COL21A1: variants seen among roughly 807,000 people sequenced by gnomAD.
The protein encoded by COL21A1 is collagen type XXI alpha 1 chain.
A neutral mutation model predicts 137.9 loss-of-function variants in COL21A1; 149 were observed. That is an observed-to-expected ratio of 1.08 (90% CI 0.95 to 1.24). The LOEUF (loss-of-function observed/expected upper bound fraction) is 1.24, where lower values mean the gene tolerates loss of function less well. COL21A1 is among the 50% of genes most tolerant of loss of function. The probability of loss-of-function intolerance (pLI) is 0.00; values close to 1 mark genes in which losing one functional copy is unlikely to be tolerated. For missense variants in COL21A1, 1,167 were observed against 1,158.4 expected (o/e 1.01, Z -0.11); for synonymous variants, 456 against 391.5 (o/e 1.16, Z -1.95).
At chr6:56,251,226 T>C (rs1180038522), upstream of COL21A1, among the ~76,000 whole-genome samples, 2 of 152,186 alleles carry the variant, frequency 1.3e-5, no homozygotes, top group Non-Finnish European at 2.9e-5. Context: ...TAATAATTCT[T>C]CCTCTTCTTC....
At chr6:56,366,218 G>T (rs1221438341) in intron 1 of COL21A1, among the ~76,000 whole-genome samples, 2 of 152,196 alleles carry the variant, frequency 1.3e-5, no homozygotes, top group African/African-American at 4.8e-5. Context: ...TAAAAGGTGA[G>T]ACAGTCTCGC....
At chr6:56,307,774 C>T (rs1225208718) in intron 1 of COL21A1, among the ~76,000 whole-genome samples, 2 of 152,168 alleles carry the variant, frequency 1.3e-5, no homozygotes, top group Non-Finnish European at 2.9e-5. Context: ...AACCCGGTAC[C>T]TCAGTTGGAA....
chr6:56,369,498 T>C (rs377480668), intron 1 of COL21A1, among the ~76,000 whole-genome samples: 1 of 151,484 alleles, frequency 6.6e-6, no homozygotes, highest in African/African-American at 2.4e-5. Context: ...GACATAAAGG[T>C]AGAAAAAAAA....
intron 1 of COL21A1, among the ~76,000 whole-genome samples, chr6:56,347,003 C>T (rs993277104): frequency 6.6e-6 from 1 of 152,110 alleles, no homozygotes; most frequent in South Asian, 2.1e-4. Context: ...CAGCAGTCTC[C>T]CCATCTCAAC....
intron 1 of COL21A1, among the ~76,000 whole-genome samples, chr6:56,263,867 T>C (rs1416757354): frequency 6.6e-6 from 1 of 152,120 alleles, no homozygotes; most frequent in Non-Finnish European, 1.5e-5. Context: ...TGATATTTGA[T>C]CCTTAATCCT....
Position 56,179,581 on chromosome 6 carries a change from C to T in COL21A1, c.637G>A (p.Glu213Lys). 6.2e-7 allele frequency: 1 copy of T among 1,603,888 alleles called. No homozygotes were observed. Among genetic ancestry groups the T allele is most frequent in the South Asian group, 1.1e-5 (1 of 89,936 alleles). Residue 213 changes from glutamate (E) to lysine (K), a missense_variant, in exon 3 of 30, where the codon GAA becomes AAA. By Grantham distance (56) the Glu-to-Lys change is moderately conservative. Transcript: ENST00000244728. Reference protein sequence around the residue: ...IREVMKQKLCEESVCPTRIPV... With the variant: ...IREVMKQKLCKESVCPTRIPV... ...ATTAAGGCATTTTAAGGCTTACCTT[C>T]ACAAAGTTTCTGCTTCATCACTTCC... is the stretch of plus-strand genomic sequence containing the variant.
intron 24 of COL21A1, among the ~76,000 whole-genome samples, chr6:56,062,922 A>T (rs191017391): frequency 2.0e-4 from 31 of 152,310 alleles, no homozygotes; most frequent in Admixed American, 2.0e-3. Flanking sequence ...CATTAAGATG[A>T]TTCTCTGAGA....
intron 1 of COL21A1, among the ~76,000 whole-genome samples, chr6:56,228,302 G>A (rs1562005228): frequency 6.6e-6 from 1 of 151,844 alleles, no homozygotes. Context: ...ATGAGAGGCA[G>A]TAAGGGCCTG....
chr6:56,312,253 T>C (rs1217179044), intron 1 of COL21A1, among the ~76,000 whole-genome samples: 1 of 152,138 alleles, frequency 6.6e-6, no homozygotes, highest in East Asian at 1.9e-4. Flanking sequence ...ATTGTTGACT[T>C]AGAAGGTTAA....
chr6:56,337,230 A>G (rs1226075441), intron 1 of COL21A1, among the ~76,000 whole-genome samples: 1 of 152,216 alleles, frequency 6.6e-6, no homozygotes, highest in Non-Finnish European at 1.5e-5. Context: ...TAGAATGGGT[A>G]TCTGAAGGGC....
chr6:56,063,002 TG>T (rs1203505218), intron 24 of COL21A1, among the ~76,000 whole-genome samples: 1 of 152,060 alleles, frequency 6.6e-6, no homozygotes, highest in Non-Finnish European at 1.5e-5. Flanking sequence ...CTTGGTAGAG[TG>T]ACAGGTAACT....
chr6:56,203,326 T>C (rs1265087090), intron 1 of COL21A1, among the ~76,000 whole-genome samples: 2 of 152,086 alleles, frequency 1.3e-5, no homozygotes, highest in Non-Finnish European at 2.9e-5. Context: ...TAATACAGGA[T>C]AGTAAATCAA....
At chr6:56,246,240 A>T (rs1371517723) in intron 1 of COL21A1, among the ~76,000 whole-genome samples, 2 of 152,232 alleles carry the variant, frequency 1.3e-5, no homozygotes, top group African/African-American at 4.8e-5. Flanking sequence ...TGAATGCTGT[A>T]ACCTGCACTG....
chr6:56,178,435 T>G (rs1430905252), intron 3 of COL21A1, among the ~76,000 whole-genome samples: 1 of 152,214 alleles, frequency 6.6e-6, no homozygotes, highest in Middle Eastern at 3.4e-3. Flanking sequence ...ATATGAAAAT[T>G]TAAAAAGTTT....
intron 1 of COL21A1, among the ~76,000 whole-genome samples, chr6:56,325,159 T>C (rs999765603): frequency 4.1e-5 from 6 of 145,650 alleles, no homozygotes; most frequent in African/African-American, 1.3e-4. Context: ...ATAAAATTTA[T>C]CAAATAAATT....
At chr6:56,283,480 G>A (rs1191564018) in intron 1 of COL21A1, among the ~76,000 whole-genome samples, 1 of 152,078 alleles carries the variant, frequency 6.6e-6, no homozygotes, top group African/African-American at 2.4e-5. Flanking sequence ...CAAGTTAACA[G>A]CACAAGAGAG....
intron 3 of COL21A1, among the ~76,000 whole-genome samples, chr6:56,176,190 G>T (rs1327037933): frequency 2.6e-5 from 4 of 151,958 alleles, no homozygotes; most frequent in Non-Finnish European, 5.9e-5. Context: ...ACTAGGAAAA[G>T]CTTCATAACA....
chr6:56,069,189 A>C (rs12189571), intron 21 of COL21A1, 72 bp from the exon 22 acceptor site: 127,864 of 875,262 alleles, frequency 0.15, 9,554 homozygotes, highest in Admixed American at 0.18. Context: ...TTTTATCTCT[A>C]CATATCTCAA....
At chr6:56,059,140 C>T in intron 29 of COL21A1, 25 bp downstream of exon 29, 1 of 1,582,932 alleles carries the variant, frequency 6.3e-7, no homozygotes, top group Non-Finnish European at 8.7e-7. Context: ...AGCAGTAACA[C>T]TTATGAGCAG....
Sources: allele counts gnomAD v4.1 joint callset (sites outside exome capture counted in the v4.1 genomes callset), GRCh38; gene constraint gnomAD v4.1.1; transcripts MANE v1.5; gene names NCBI Gene and HGNC (gene_info 2026-07-23, HGNC 2026-07-21).